ACVR1: variants seen among roughly 807,000 people sequenced by gnomAD.
ACVR1 encodes the protein activin receptor type-1.
In ACVR1, 38 loss-of-function variants were observed where a neutral mutation model predicts 57.1. The observed-to-expected ratio is 0.67, with a 90% CI of 0.51 to 0.87. The LOEUF is 0.87. Ranked by LOEUF, ACVR1 falls within the 40% of genes least tolerant of loss-of-function variation. The pLI, the probability that ACVR1 is intolerant of heterozygous loss-of-function variation, is 0.00. For missense variants in ACVR1, 463 were observed against 638.2 expected, an observed-to-expected ratio of 0.73 and a Z score of 2.96; for synonymous variants, 212 against 228.1, an observed-to-expected ratio of 0.93 and a Z score of 0.63.
chr2:157,835,064 C>A (rs546290600), intron 1 of ACVR1, among the ~76,000 whole-genome samples: 22 of 152,106 alleles, frequency 1.4e-4, no homozygotes, highest in African/African-American at 4.8e-4. Flanking sequence ...TCACAGTAGC[C>A]CAAATGGACT....
chr2:157,841,311 C>T (rs1173456170), intron 1 of ACVR1, among the ~76,000 whole-genome samples: 1 of 152,168 alleles, frequency 6.6e-6, no homozygotes, highest in African/African-American at 2.4e-5. Flanking sequence ...TCTCCTTCGA[C>T]AATCACAGGG....
rs954445093 is a variant in ACVR1 at position 157,875,876 on chromosome 2, G to C, written c.-263C>G. ...CGGGCGCTGCAGGTCGGCGCGGCGC[G>C]GGGCGGCGCGGGGCGGGGCGGGGCG... On this transcript the variant is annotated 5_prime_UTR_variant, in exon 1 of 11. Coordinates refer to ENST00000434821, the MANE Select transcript of ACVR1 (RefSeq NM_001111067.4). 36 of 148,034 alleles carry C rather than the reference G, an allele frequency of 2.4e-4. No individual in the cohort carries two copies. The highest frequency in any genetic ancestry group is 8.8e-4 in the South Asian group (5 of 5,670). 9.2% of individuals were successfully genotyped at this position (148,034 alleles called of 1,614,324 possible). A position where few individuals can be genotyped will look rare whatever the true frequency, so the allele number is the denominator to read the frequency against.
chr2:157,863,840 C>T (rs915080069), intron 1 of ACVR1, among the ~76,000 whole-genome samples: 1 of 151,430 alleles, frequency 6.6e-6, no homozygotes, highest in South Asian at 2.1e-4. Context: ...AATCCAAATA[C>T]ATTGCTTAAT....
intron 3 of ACVR1, among the ~76,000 whole-genome samples, chr2:157,798,327 T>C (rs1194787665): frequency 1.3e-5 from 2 of 151,868 alleles, no homozygotes; most frequent in Non-Finnish European, 2.9e-5. Flanking sequence ...TGTTCACCAA[T>C]TCAGAAAATT....
chr2:157,745,810 A>T (rs945342067), intron 9 of ACVR1, among the ~76,000 whole-genome samples: 2 of 152,212 alleles, frequency 1.3e-5, no homozygotes, highest in African/African-American at 4.8e-5. Flanking sequence ...CAAAAATAGG[A>T]GTTGTCATGG....
In ACVR1 at chr2:157,875,802, T is replaced by C. The variant is rs1690268976; in HGVS notation, c.-189A>G. The C allele has an allele frequency of 6.6e-6, 1 of 151,540 alleles. No homozygotes were observed. The highest frequency in any genetic ancestry group is 2.4e-5 in the African/African-American group (1 of 41,286). 9.4% of individuals were successfully genotyped at this position (151,540 alleles called of 1,614,324 possible). On this transcript the variant is annotated 5_prime_UTR_variant, in exon 1 of 11. Transcript: ENST00000434821. Reference sequence around the variant, plus strand: ...GCCGGCGACCTGCGCTCACCTCGGGTCCCGCCGCGGCCGGGGGCTGAGCCG... The same window carrying C: ...GCCGGCGACCTGCGCTCACCTCGGGCCCCGCCGCGGCCGGGGGCTGAGCCG...
At chr2:157,851,640 C>A in intron 1 of ACVR1, among the ~76,000 whole-genome samples, 1 of 151,902 alleles carries the variant, frequency 6.6e-6, no homozygotes, top group African/African-American at 2.4e-5. Context: ...TATTATAGGC[C>A]AAAAAACCCT....
intron 1 of ACVR1, among the ~76,000 whole-genome samples, chr2:157,846,066 GATTAA>G (rs1258538749): frequency 6.6e-6 from 1 of 152,194 alleles, no homozygotes; most frequent in Non-Finnish European, 1.5e-5. Flanking sequence ...TTGCAGATGT[GATTAA>G]ATTAAGAGTT....
At chr2:157,792,995 C>G (rs571615312) in intron 3 of ACVR1, among the ~76,000 whole-genome samples, 1 of 152,256 alleles carries the variant, frequency 6.6e-6, no homozygotes, top group South Asian at 2.1e-4. Context: ...GAGGAAAGTT[C>G]CGCAGGACAG....
In ACVR1 at chr2:157,826,342, T is replaced by C. The variant is rs114820044; in HGVS notation, c.-182-7783A>G. Among the ~76,000 whole-genome samples, 881 of 152,198 alleles carry C rather than the reference T, an allele frequency of 5.8e-3. 7 individuals carry two copies. The highest frequency in any genetic ancestry group is 0.02 in the African/African-American group (822 of 41,524). ...GCATCATGCCAAACTACTTAAATAT[T>C]TGTGGCATGAATGAAGTTTAAAATT... is the stretch of plus-strand genomic sequence containing the variant. On this transcript the variant is annotated intron_variant, in intron 1 of 10. Transcript: ENST00000434821.
At chr2:157,853,917 C>T (rs1196909948) in intron 1 of ACVR1, among the ~76,000 whole-genome samples, 2 of 152,294 alleles carry the variant, frequency 1.3e-5, no homozygotes, top group East Asian at 3.9e-4. Flanking sequence ...CACTTAATAT[C>T]TTCCAGGGTC....
chr2:157,792,335 A>C (rs1449694924), intron 3 of ACVR1, among the ~76,000 whole-genome samples: 1 of 152,212 alleles, frequency 6.6e-6, no homozygotes, highest in African/African-American at 2.4e-5. Flanking sequence ...CCCTGCTTGC[A>C]GGGCTCAGAT....
At chr2:157,796,925 T>C (rs899528898) in intron 3 of ACVR1, among the ~76,000 whole-genome samples, 12 of 152,170 alleles carry the variant, frequency 7.9e-5, no homozygotes, top group Admixed American at 7.9e-4. Flanking sequence ...TGCCATATTA[T>C]GGGAATATCT....
At chr2:157,846,234 G>C (rs1314191575) in intron 1 of ACVR1, among the ~76,000 whole-genome samples, 3 of 152,200 alleles carry the variant, frequency 2.0e-5, no homozygotes, top group African/African-American at 7.2e-5. Context: ...TTTGAAGATG[G>C]AGGAAGAGCC....
At chr2:157,814,812 G>A (rs1007338967) in intron 2 of ACVR1, among the ~76,000 whole-genome samples, 53 of 152,254 alleles carry the variant, frequency 3.5e-4, no homozygotes, top group African/African-American at 1.1e-3. Flanking sequence ...CGCCCGACAC[G>A]GTGGGTCACA....
chr2:157,848,173 A>G (rs1689181068), intron 1 of ACVR1, among the ~76,000 whole-genome samples: 1 of 152,204 alleles, frequency 6.6e-6, no homozygotes, highest in Admixed American at 6.5e-5. Flanking sequence ...CTCTCTTCTC[A>G]TCAAGAGGTG....
chr2:157,813,334 G>A (rs1365487803), intron 2 of ACVR1, among the ~76,000 whole-genome samples: 1 of 152,156 alleles, frequency 6.6e-6, no homozygotes, highest in African/African-American at 2.4e-5. Flanking sequence ...AACCAAAGGA[G>A]AAAAGTTGGG....
chr2:157,874,757 TA>T (rs1300753510), intron 1 of ACVR1: 1 of 152,096 alleles, frequency 6.6e-6, no homozygotes, highest in Non-Finnish European at 1.5e-5. Flanking sequence ...CAAAAATATG[TA>T]AAAACATGTA....
intron 1 of ACVR1, among the ~76,000 whole-genome samples, chr2:157,867,003 A>G (rs759589933): frequency 5.3e-5 from 8 of 152,152 alleles, no homozygotes; most frequent in Non-Finnish European, 1.0e-4. Context: ...CTATCTCCAG[A>G]GTTTCAGTTC....
Sources: gnomAD v4.1 joint callset for allele counts (sites outside exome capture counted in the v4.1 genomes callset) on GRCh38, gnomAD v4.1.1 for gene constraint, MANE v1.5 for transcripts, NCBI Gene and HGNC (gene_info 2026-07-23, HGNC 2026-07-21) for gene names.